PTGDS: variants seen among roughly 807,000 people sequenced by gnomAD.
The protein encoded by PTGDS is prostaglandin D2 synthase, also known as prostaglandin-H2 D-isomerase.
A neutral mutation model predicts 28.4 loss-of-function variants in PTGDS; 21 were observed. That is an observed-to-expected ratio of 0.74 (90% CI 0.52 to 1.07). The LOEUF (loss-of-function observed/expected upper bound fraction) is 1.07, where lower values mean the gene tolerates loss of function less well. Ranked by LOEUF, PTGDS falls within the 50% of genes least tolerant of loss-of-function variation. The probability of loss-of-function intolerance (pLI) is 0.00; values close to 1 mark genes in which losing one functional copy is unlikely to be tolerated. For synonymous variants in PTGDS, 102 were observed against 106.0 expected, an observed-to-expected ratio of 0.96 and a Z score of 0.23; for missense variants, 243 against 247.7, an observed-to-expected ratio of 0.98 and a Z score of 0.13.
At position 136,979,078 on chromosome 9, in the gene PTGDS, CTG is replaced by C; in HGVS notation, c.203_204del (p.Val68GlyfsTer22). ...AAGGCGGCGTTGTCCATGTGCAAGT[CTG>C]TGGTGGCCCCTGCCACGGATGGTGG... On this transcript the variant is annotated frameshift_variant, in exon 2 of 7. Transcript: ENST00000371625. LOFTEE classifies it high-confidence loss of function. 4.3e-6 allele frequency: 7 copies of C among 1,610,794 alleles called. No individual in the cohort carries two copies. Among genetic ancestry groups the C allele is most frequent in the Non-Finnish European group, 5.9e-6 (7 of 1,178,740 alleles).
At chr9:136,981,432 G>T in intron 6 of PTGDS, 147 bp from the exon 7 acceptor site, 1 of 153,298 alleles carries the variant, frequency 6.5e-6, no homozygotes. Flanking sequence ...CAAGCCCCAG[G>T]GATGGATCTT....
At chr9:136,978,262 C>G (rs1830396150) in intron 1 of PTGDS, among the ~76,000 whole-genome samples, 1 of 152,178 alleles carries the variant, frequency 6.6e-6, no homozygotes, top group African/African-American at 2.4e-5. Context: ...AGGAATGCGA[C>G]GTCCTCTGCC....
At chr9:136,979,484 C>T (rs757549746) in intron 3 of PTGDS, 185 bp downstream of exon 3, 3 of 1,526,628 alleles carry the variant, frequency 2.0e-6, no homozygotes, top group Non-Finnish European at 2.7e-6. Context: ...GACAGAGAGA[C>T]CCTTCCTCCA....
chr9:136,978,139 C>G (rs1364708933), intron 1 of PTGDS, among the ~76,000 whole-genome samples: 1 of 152,132 alleles, frequency 6.6e-6, no homozygotes, highest in Admixed American at 6.5e-5. Flanking sequence ...CGCCCGGGAG[C>G]TGCTCGGGGA....
rs1179218892 is a variant in PTGDS, at chr9:136,979,310, C to T, written c.331+11C>T. On this transcript the variant is annotated intron_variant, in intron 3 of 6. Coordinates refer to ENST00000371625, the MANE Select transcript of PTGDS (RefSeq NM_000954.6). ...GCTACCGGAGTCCCCGTGAGTGGGGCCTCCACCGGCCCCCTGGGCCCAGCC... is the reference window on the plus strand; with the variant it reads ...GCTACCGGAGTCCCCGTGAGTGGGGTCTCCACCGGCCCCCTGGGCCCAGCC... 3 of 1,604,820 alleles carry T rather than the reference C, an allele frequency of 1.9e-6. No homozygotes were observed. Among genetic ancestry groups the T allele is most frequent in the Non-Finnish European group, 2.6e-6 (3 of 1,176,218 alleles).
At chr9:136,979,672 C>T in intron 3 of PTGDS, 1 of 608,654 alleles carries the variant, frequency 1.6e-6, no homozygotes, top group Non-Finnish European at 2.9e-6. Context: ...CACGGGGAAA[C>T]CTCTTCACTT....
chr9:136,979,018 G>T lies in PTGDS; in HGVS notation c.140G>T (p.Gly47Val). 1.9e-6 allele frequency: 3 copies of T among 1,608,914 alleles called. No homozygotes were observed. The highest frequency in any genetic ancestry group is 8.5e-7 in the Non-Finnish European group (1 of 1,178,186). ...TTCCTGGGGCGCTGGTTCAGCGCGG[G>T]CCTCGCCTCCAACTCGAGCTGGCTC... is the stretch of plus-strand genomic sequence containing the variant. ...DKFLGRWFSA[G>V]LASNSSWLRE... Residue 47 changes from glycine (G) to valine (V), a missense_variant, in exon 2 of 7, where the codon GGC becomes GTC. Gly to Val is a moderately radical substitution (Grantham distance 109, BLOSUM62 -3). Coordinates refer to ENST00000371625, the MANE Select transcript of PTGDS (RefSeq NM_000954.6).
At chr9:136,979,375 C>G in intron 3 of PTGDS, 76 bp downstream of exon 3, 1 of 1,580,090 alleles carries the variant, frequency 6.3e-7, no homozygotes, top group Non-Finnish European at 8.6e-7. Context: ...GGCCAGCCCC[C>G]TGCCGCGGAG....
At position 136,981,689 on chromosome 9, in the gene PTGDS, A is replaced by AC. The variant is rs1336620283; in HGVS notation, c.*114dup. 1 of 152,154 alleles carries AC rather than the reference A, an allele frequency of 6.6e-6. No homozygotes were observed. The highest frequency in any genetic ancestry group is 1.5e-5 in the Non-Finnish European group (1 of 68,144). The allele number at this position is 152,154 out of a possible 1,614,324, so 9.4% of individuals were successfully genotyped here. ...CCTGCCCCGGCTCCCCGCCAAAGCA[A>AC]CCCTGCCCACTCAGGCTTCATCCTG... On this transcript the variant is annotated 3_prime_UTR_variant, in exon 7 of 7. Transcript: ENST00000371625.
At chr9:136,981,068 C>A (rs1476010123) in intron 6 of PTGDS, 7 of 687,594 alleles carry the variant, frequency 1.0e-5, no homozygotes, top group Non-Finnish European at 1.6e-5. Flanking sequence ...AGAAGGAAAA[C>A]CTGTCCCAGT....
At chr9:136,981,481 A>C (rs1211814249) in intron 6 of PTGDS, 98 bp from the exon 7 acceptor site, 1 of 152,662 alleles carries the variant, frequency 6.6e-6, no homozygotes, top group Non-Finnish European at 1.5e-5. Context: ...GGGGCAGAGA[A>C]AAGTCCCCGT....
rs765064396 is a variant in PTGDS at position 136,980,031 on chromosome 9, T to C, written c.417T>C (p.Pro139=). 6.2e-7 allele frequency: 1 copy of C among 1,612,798 alleles called. No individual in the cohort carries two copies. The highest frequency in any genetic ancestry group is 8.5e-7 in the Non-Finnish European group (1 of 1,179,792). The part of the protein sequence containing the change: ...ALLYSQGSKG[P]GEDFRMATLY... ...TGTACAGCCAGGGCAGCAAGGGCCC[T>C]GGCGAGGACTTCCGCATGGCCACCC... Residue 139 remains proline, a synonymous_variant, in exon 4 of 7, where the codon CCT becomes CCC. Coordinates refer to ENST00000371625, the MANE Select transcript of PTGDS (RefSeq NM_000954.6).
intron 1 of PTGDS, 110 bp downstream of exon 1, chr9:136,977,802 C>A (rs903886956): frequency 3.9e-6 from 4 of 1,034,288 alleles, no homozygotes; most frequent in Non-Finnish European, 5.5e-6. Flanking sequence ...CCCGCAGTGC[C>A]GGGCAGTGCC....
At chr9:136,980,553 G>A in intron 5 of PTGDS, 2 of 1,136,024 alleles carry the variant, frequency 1.8e-6, no homozygotes, top group Non-Finnish European at 1.2e-6. Context: ...CCTGGTGGGG[G>A]GCATAGGGTA....
At position 136,981,646 on chromosome 9, in the gene PTGDS, C is replaced by G. The variant is rs1325008236; in HGVS notation, c.*68C>G. 2 of 152,482 alleles carry G rather than the reference C, an allele frequency of 1.3e-5. No homozygotes were observed. Among genetic ancestry groups the G allele is most frequent in the African/African-American group, 4.8e-5 (2 of 41,438 alleles). 9.4% of individuals were successfully genotyped at this position (152,482 alleles called of 1,614,324 possible). A position where few individuals can be genotyped will look rare whatever the true frequency, so the allele number is the denominator to read the frequency against. ...CCCCCACGCTCTGGATGTCTCTGCTCTGTTCCTTCCCCGAGCCCCTGCCCC... is the reference window on the plus strand; with the variant it reads ...CCCCCACGCTCTGGATGTCTCTGCTGTGTTCCTTCCCCGAGCCCCTGCCCC... On this transcript the variant is annotated 3_prime_UTR_variant, in exon 7 of 7. Coordinates refer to ENST00000371625, the MANE Select transcript of PTGDS (RefSeq NM_000954.6).
At chr9:136,980,806 G>GTTCTGGTTCT in intron 5 of PTGDS, 27 bp from the exon 6 acceptor site, 2 of 1,613,966 alleles carry the variant, frequency 1.2e-6, no homozygotes, top group Middle Eastern at 1.7e-4. Context: ...GGGTTCTGAC[G>GTTCTGGTTCT]ACAGCCCCTG....
At chr9:136,977,916 G>A (rs1158129940) in intron 1 of PTGDS, among the ~76,000 whole-genome samples, 2 of 152,162 alleles carry the variant, frequency 1.3e-5, no homozygotes, top group Non-Finnish European at 1.5e-5. Flanking sequence ...TCCCCTGATG[G>A]GCCACGCAGA....
At position 136,977,583 on chromosome 9, in the gene PTGDS, C is replaced by G; in HGVS notation, c.5C>G (p.Ala2Gly). M[A>G]THHTLWMGLA... ...CACCCGCTCTGCTGCAGGAGAATGG[C>G]TACTCATCACACACTGTGGATGGGA... The change falls in exon 1 of 7, where the codon GCT (alanine) becomes GGT (glycine). Residue 2 changes from alanine to glycine, a missense_variant. By Grantham distance (60) the Ala-to-Gly change is moderately conservative. Transcript: ENST00000371625. 6.3e-7 allele frequency: 1 copy of G among 1,595,658 alleles called. No individual in the cohort carries two copies. The highest frequency in any genetic ancestry group is 8.5e-7 in the Non-Finnish European group (1 of 1,171,970).
At chr9:136,980,316 C>G (rs1297158567) in intron 5 of PTGDS, 32 bp downstream of exon 5, 2 of 1,606,486 alleles carry the variant, frequency 1.2e-6, no homozygotes, top group African/African-American at 2.7e-5. Context: ...GGGAGAGGAT[C>G]AAGGTCAGAT....
Sources: allele counts gnomAD v4.1 joint callset (sites outside exome capture counted in the v4.1 genomes callset), GRCh38; gene constraint gnomAD v4.1.1; transcripts MANE v1.5; gene names NCBI Gene and HGNC (gene_info 2026-07-23, HGNC 2026-07-21).